ANKRD18B: variants seen among roughly 807,000 people sequenced by gnomAD.
ANKRD18B encodes the protein ankyrin repeat domain-containing protein 18B.
Under a neutral mutation model 111.8 loss-of-function variants are expected in ANKRD18B, and 75 were observed. The ratio of observed to expected loss-of-function variants is 0.67; its 90% CI spans 0.56 to 0.81. The LOEUF (loss-of-function observed/expected upper bound fraction) is 0.81. Among genes scored for constraint, ANKRD18B ranks in the 40% least tolerant of loss-of-function variants. ANKRD18B has a pLI of 0.00. For missense variants in ANKRD18B, 1,038 were observed against 1,225.5 expected (o/e 0.85, Z 2.28); for synonymous variants, 356 against 417.3 (o/e 0.85, Z 1.79).
At chr9:33,558,028 C>T (rs761357716) in intron 13 of ANKRD18B, 30 bp from the exon 14 acceptor site, 2 of 1,514,184 alleles carry the variant, frequency 1.3e-6, no homozygotes, top group East Asian at 4.8e-5. Context: ...CTTAAAAATT[C>T]TTGACTTACC....
At chr9:33,545,241 T>G (rs1391495593) in intron 10 of ANKRD18B, among the ~76,000 whole-genome samples, 2 of 152,164 alleles carry the variant, frequency 1.3e-5, no homozygotes, top group Non-Finnish European at 2.9e-5. Flanking sequence ...ATTGTTGTAA[T>G]GATACAGAAA....
intron 6 of ANKRD18B, among the ~76,000 whole-genome samples, chr9:33,538,649 T>A (rs1270903970): frequency 6.6e-6 from 1 of 151,958 alleles, no homozygotes; most frequent in Non-Finnish European, 1.5e-5. Context: ...GGCAGGAGAA[T>A]TGCTTGAACC....
intron 10 of ANKRD18B, among the ~76,000 whole-genome samples, chr9:33,544,009 T>C (rs1349619460): frequency 6.6e-6 from 1 of 152,202 alleles, no homozygotes; most frequent in Non-Finnish European, 1.5e-5. Flanking sequence ...TTGGTATTCA[T>C]TTTGGCTTCT....
intron 12 of ANKRD18B, among the ~76,000 whole-genome samples, chr9:33,552,376 C>G (rs567773735): frequency 6.6e-6 from 1 of 152,204 alleles, no homozygotes; most frequent in African/African-American, 2.4e-5. Flanking sequence ...TGATGAAGGA[C>G]AGCACAGCTC....
intron 16 of ANKRD18B, among the ~76,000 whole-genome samples, chr9:33,568,039 CACCA>C (rs1365153771): frequency 2.6e-5 from 4 of 152,174 alleles, no homozygotes; most frequent in African/African-American, 7.2e-5. Context: ...TCTTTTTGAT[CACCA>C]ACCAACCAGT....
rs928054163 is a variant in ANKRD18B at position 33,566,407 on chromosome 9, T to C, written c.2649T>C (p.Asp883=). ...VLNLKTHMEK[D]MVELGKVQEY... ...ATCTTAAGACACATATGGAAAAAGA[T>C]ATGGTAGAACTTGGTAAAGTACAAG... Residue 883 remains aspartate, a synonymous_variant, in exon 15 of 19, where the codon GAT becomes GAC. Coordinates refer to ENST00000684830, the MANE Select transcript of ANKRD18B (RefSeq NM_001393611.1). 3.1e-6 allele frequency: 5 copies of C among 1,606,996 alleles called. No homozygotes were observed. The African/African-American group carries it at 5.4e-5, about 17-fold the overall frequency.
chr9:33,529,009 T>C lies in ANKRD18B; in HGVS notation c.331T>C (p.Cys111Arg), dbSNP rs2380775. Residue 111 changes from cysteine (C) to arginine (R), a missense_variant, in exon 3 of 19, where the codon TGC (cysteine) becomes CGC (arginine). Cys to Arg is a radical substitution (Grantham distance 180, BLOSUM62 -3). Around this residue, in one of 4 missense-constraint regions of ANKRD18B, gnomAD observed 216 missense variants for 205.1 expected, o/e 1.05. Coordinates refer to ENST00000684830, the MANE Select transcript of ANKRD18B (RefSeq NM_001393611.1). ...TATCTAACACTAATAGGCTGTACAC[T>C]GCCAGGAAGAGGCTTGTGCCATTAT... ...NRTPLMKAVHCQEEACAIILL... is the reference protein window; with the variant it reads ...NRTPLMKAVHRQEEACAIILL... 1.2e-6 allele frequency: 2 copies of C among 1,612,666 alleles called. No homozygotes were observed. The highest frequency in any genetic ancestry group is 1.7e-6 in the Non-Finnish European group (2 of 1,179,876).
intron 13 of ANKRD18B, among the ~76,000 whole-genome samples, chr9:33,556,770 A>T (rs1828533327): frequency 6.6e-6 from 1 of 152,178 alleles, no homozygotes; most frequent in Non-Finnish European, 1.5e-5. Context: ...CTGGATATAT[A>T]GCTTGTATTT....
intron 1 of ANKRD18B, among the ~76,000 whole-genome samples, chr9:33,525,883 T>TTA (rs1234275487): frequency 2.0e-5 from 3 of 151,012 alleles, no homozygotes; most frequent in African/African-American, 4.9e-5. Flanking sequence ...TAACATAATG[T>TTA]TATATATATC....
rs868167673 is a variant in ANKRD18B at position 33,529,177 on chromosome 9, C to T, written c.495+4C>T. On this transcript the variant is annotated splice_donor_region_variant and intron_variant, in intron 3 of 18. Coordinates refer to ENST00000684830, the MANE Select transcript of ANKRD18B (RefSeq NM_001393611.1). ...AAATATTGAAGCACTAAACAAGGTA[C>T]AGATCAATCAACTTTCTTTTCAAAA... 4.4e-6 allele frequency: 7 copies of T among 1,587,594 alleles called. No homozygotes were observed. Among genetic ancestry groups the T allele is most frequent in the Middle Eastern group, 2.3e-4 (1 of 4,348 alleles).
intron 14 of ANKRD18B, among the ~76,000 whole-genome samples, chr9:33,561,418 A>G (rs1339542937): frequency 6.6e-6 from 1 of 152,192 alleles, no homozygotes; most frequent in Admixed American, 6.5e-5. Flanking sequence ...AGGGTTCTTT[A>G]TATATCCTAT....
intron 5 of ANKRD18B, among the ~76,000 whole-genome samples, chr9:33,536,476 C>T (rs1439848490): frequency 2.0e-5 from 3 of 152,212 alleles, no homozygotes; most frequent in Non-Finnish European, 4.4e-5. Context: ...AACATGTTTT[C>T]TCATTGCATC....
chr9:33,535,101 G>A (rs1360017455), intron 5 of ANKRD18B, among the ~76,000 whole-genome samples: 4 of 151,870 alleles, frequency 2.6e-5, no homozygotes, highest in Admixed American at 2.6e-4. Flanking sequence ...CAGAAGAAGA[G>A]GGGAAAAGGC....
chr9:33,558,435 G>A (rs1828559598), intron 14 of ANKRD18B, among the ~76,000 whole-genome samples: 1 of 152,100 alleles, frequency 6.6e-6, no homozygotes, highest in Non-Finnish European at 1.5e-5. Context: ...ACTTATAAGT[G>A]AGAGGATGCA....
intron 17 of ANKRD18B, among the ~76,000 whole-genome samples, chr9:33,569,708 CA>C (rs1388129425): frequency 6.6e-6 from 1 of 152,070 alleles, no homozygotes; most frequent in Non-Finnish European, 1.5e-5. Context: ...TTAAATAAAA[CA>C]CTGAAAGTTC....
Position 33,567,180 on chromosome 9 carries a change from A to C in ANKRD18B, c.2820A>C (p.Thr940=). ...CTTCACTAAAAAAGAAGGAACTCAC[A>C]CTTAAAGATGTGGAATGTAAATTCT... ...NTASLKKKEL[T]LKDVECKFSK... Residue 940 remains threonine, a synonymous_variant, in exon 16 of 19, where the codon ACA becomes ACC. Transcript: ENST00000684830. 1 of 1,549,796 alleles carries C rather than the reference A, an allele frequency of 6.5e-7. No individual in the cohort carries two copies. Among genetic ancestry groups the C allele is most frequent in the Non-Finnish European group, 8.7e-7 (1 of 1,146,246 alleles).
intron 12 of ANKRD18B, among the ~76,000 whole-genome samples, chr9:33,554,813 C>T (rs1391651835): frequency 6.6e-6 from 1 of 152,016 alleles, no homozygotes; most frequent in African/African-American, 2.4e-5. Flanking sequence ...ATATACACTT[C>T]AAAAATGAGG....
intron 1 of ANKRD18B, among the ~76,000 whole-genome samples, chr9:33,525,624 C>G (rs1333497132): frequency 6.6e-6 from 1 of 151,746 alleles, no homozygotes; most frequent in Non-Finnish European, 1.5e-5. Flanking sequence ...AGTGGCCTTC[C>G]TAAGAATGAC....
chr9:33,542,555 T>C (rs1311668365), intron 9 of ANKRD18B, among the ~76,000 whole-genome samples: 1 of 151,974 alleles, frequency 6.6e-6, no homozygotes. Flanking sequence ...ACAAATTTTC[T>C]GTAGAGTCAG....
Sources: gnomAD v4.1 joint callset for allele counts (sites outside exome capture counted in the v4.1 genomes callset) on GRCh38, gnomAD v4.1.1 for gene constraint, gnomAD v4.1.1 regional missense constraint, MANE v1.5 for transcripts, NCBI Gene and HGNC (gene_info 2026-07-23, HGNC 2026-07-21) for gene names.